The following SPAG9 variants were observed in gnomAD, a reference collection of about 807,000 sequenced individuals.
SPAG9 encodes the protein C-Jun-amino-terminal kinase-interacting protein 4.
Under a neutral mutation model 166.5 loss-of-function variants are expected in SPAG9, and 35 were observed. The observed-to-expected ratio is 0.21, with a 90% CI of 0.16 to 0.28. SPAG9 has a LOEUF of 0.28. Ranked by LOEUF, SPAG9 falls within the 10% of genes least tolerant of loss-of-function variation. The pLI is 1.00. For synonymous variants in SPAG9, 534 were observed against 565.5 expected (o/e 0.94, Z 0.79); for missense variants, 1,235 against 1,603.3 (o/e 0.77, Z 3.92).
Position 50,990,294 on chromosome 17 carries a change from C to T in SPAG9, c.2617+156G>A, listed in dbSNP as rs1383014489. 2.0e-5 allele frequency: 13 copies of T among 643,520 alleles called. No individual in the cohort carries two copies. In the East Asian group the frequency reaches 3.1e-4, roughly 15 times the overall value. The allele number at this position is 643,520 out of a possible 1,614,324, so 39.9% of individuals were successfully genotyped here. A position where few individuals can be genotyped will look rare whatever the true frequency, so the allele number is the denominator to read the frequency against. On this transcript the variant is annotated intron_variant, in intron 20 of 29. Transcript: ENST00000262013. ...CCACCCGCCTTGGCCTCCCAGAGTGCTGGGATTACAGGCGTGAGCCACCAC... is the reference window on the plus strand; with the variant it reads ...CCACCCGCCTTGGCCTCCCAGAGTGTTGGGATTACAGGCGTGAGCCACCAC...
rs148268354 is a variant in SPAG9, at chr17:50,970,867, C to G, written c.3701-11G>C. On this transcript the variant is annotated splice_polypyrimidine_tract_variant and intron_variant, in intron 28 of 29. Transcript: ENST00000262013. Reference sequence around the variant, plus strand: ...GGCTGATGACTTGACCTGTTTTATACAGAAACAAAAGTGAATATTACTTAT... The same window carrying G: ...GGCTGATGACTTGACCTGTTTTATAGAGAAACAAAAGTGAATATTACTTAT... 3.1e-6 allele frequency: 5 copies of G among 1,610,346 alleles called. No homozygotes were observed. Among genetic ancestry groups the G allele is most frequent in the Non-Finnish European group, 4.2e-6 (5 of 1,177,690 alleles).
chr17:51,079,894 A>T (rs989992315), intron 1 of SPAG9, among the ~76,000 whole-genome samples, 190 bp from the exon 2 acceptor site: 2 of 152,218 alleles, frequency 1.3e-5, no homozygotes, highest in African/African-American at 4.8e-5. Flanking sequence ...AGAAGAAAAA[A>T]ATAACAAAAT....
chr17:51,051,719 T>TA (rs1262658868), intron 3 of SPAG9, among the ~76,000 whole-genome samples: 3 of 151,502 alleles, frequency 2.0e-5, no homozygotes, highest in African/African-American at 4.8e-5. Context: ...GACTCCCTCT[T>TA]AAAAAAAAAT....
intron 5 of SPAG9, chr17:51,040,338 G>T (rs1239492649): frequency 6.6e-6 from 1 of 151,968 alleles, no homozygotes; most frequent in Non-Finnish European, 1.5e-5. Flanking sequence ...AACAAATTGG[G>T]GCAAGAAGGG....
chr17:50,994,223 C>T (rs527870305), intron 18 of SPAG9, among the ~76,000 whole-genome samples: 111 of 152,200 alleles, frequency 7.3e-4, no homozygotes, highest in African/African-American at 2.3e-3. Flanking sequence ...ATAAGTCTCA[C>T]GAGATCTGAT....
intron 6 of SPAG9, among the ~76,000 whole-genome samples, chr17:51,025,495 T>TAACA (rs2046129973): frequency 6.6e-6 from 1 of 151,638 alleles, no homozygotes; most frequent in South Asian, 2.1e-4. Flanking sequence ...TGACAGTATT[T>TAACA]AACACCTCTG....
In SPAG9 at chr17:51,022,973, T is replaced by A. The variant is rs918028971; in HGVS notation, c.784-1608A>T. ...ATAATAATAATAATAATAATAATAA[T>A]AAATCAGGGTTAGGGTAAATTAAGT... On this transcript the variant is annotated intron_variant, in intron 6 of 29. Coordinates refer to ENST00000262013, the MANE Select transcript of SPAG9 (RefSeq NM_001130528.3). 1.2e-4 allele frequency among the ~76,000 whole-genome samples: 18 copies of A among 148,434 alleles called. No homozygotes were observed. In the East Asian group the frequency reaches 1.6e-3, roughly 13 times the overall value.
At chr17:51,045,819 C>G (rs1031192415) in intron 4 of SPAG9, among the ~76,000 whole-genome samples, 6 of 152,120 alleles carry the variant, frequency 3.9e-5, no homozygotes, top group African/African-American at 9.7e-5. Context: ...CCCCCACAAG[C>G]AGGCATGGAT....
At chr17:51,053,849 AAAAAAGTATATATATATATAT>A (rs1201998184) in intron 3 of SPAG9, among the ~76,000 whole-genome samples, 5 of 69,718 alleles carry the variant, frequency 7.2e-5, no homozygotes, top group African/African-American at 3.7e-4. Flanking sequence ...AAAAAAAAAA[AAAAAAGTATATATATATATAT>A]ATATATATAT....
At chr17:51,062,134 G>A (rs1037349539) in intron 2 of SPAG9, among the ~76,000 whole-genome samples, 47 of 152,110 alleles carry the variant, frequency 3.1e-4, no homozygotes, top group African/African-American at 1.0e-3. Flanking sequence ...TTTTAGAGCC[G>A]TTTTAGGGTC....
chr17:51,047,643 A>T (rs1447211815), intron 3 of SPAG9, among the ~76,000 whole-genome samples, 174 bp from the exon 4 acceptor site: 3 of 151,592 alleles, frequency 2.0e-5, no homozygotes, highest in Admixed American at 2.0e-4. Context: ...TAATATGCAA[A>T]TGCTTACATT....
intron 3 of SPAG9, among the ~76,000 whole-genome samples, chr17:51,052,893 T>C (rs2144495679): frequency 6.6e-6 from 1 of 151,768 alleles, no homozygotes; most frequent in Non-Finnish European, 1.5e-5. Context: ...ATCCCATCTC[T>C]ATGAAAAATG....
intron 3 of SPAG9, among the ~76,000 whole-genome samples, chr17:51,047,703 A>C (rs1187457645): frequency 8.0e-6 from 1 of 125,700 alleles, no homozygotes; most frequent in African/African-American, 3.2e-5. Flanking sequence ...TTAGGATGGC[A>C]AAAAAAAAAA....
chr17:51,037,683 A>G (rs1434277226), intron 5 of SPAG9, among the ~76,000 whole-genome samples: 27 of 101,886 alleles, frequency 2.7e-4, no homozygotes, highest in Non-Finnish European at 4.9e-4. Flanking sequence ...ATATATATAT[A>G]TAGTGTGTGT....
intron 2 of SPAG9, among the ~76,000 whole-genome samples, chr17:51,076,991 TATCTAGCTATCTAG>T (rs2047991853): frequency 1.1e-5 from 1 of 94,402 alleles, no homozygotes; most frequent in Non-Finnish European, 2.5e-5. Context: ...CTTATCTAGC[TATCTAGCTATCTAG>T]CTAGCTAGCT....
intron 1 of SPAG9, among the ~76,000 whole-genome samples, chr17:51,091,143 T>C (rs1310086640): frequency 1.3e-5 from 2 of 151,388 alleles, no homozygotes; most frequent in Non-Finnish European, 2.9e-5. Flanking sequence ...TGTAGTGGTG[T>C]GCATCTGTAG....
chr17:51,077,860 A>C (rs1295348909), intron 2 of SPAG9, among the ~76,000 whole-genome samples: 1 of 151,994 alleles, frequency 6.6e-6, no homozygotes, highest in Non-Finnish European at 1.5e-5. Flanking sequence ...CATGTTGCCC[A>C]GGCTGGTCTC....
At chr17:51,097,586 T>C (rs113517747) in intron 1 of SPAG9, among the ~76,000 whole-genome samples, 1 of 152,018 alleles carries the variant, frequency 6.6e-6, no homozygotes. Context: ...TACATATATA[T>C]ACATGGCAGG....
chr17:51,107,896 T>C (rs781321134), intron 1 of SPAG9, among the ~76,000 whole-genome samples: 3 of 145,902 alleles, frequency 2.1e-5, no homozygotes, highest in Non-Finnish European at 3.0e-5. Context: ...GCCTGGGCAA[T>C]AGCATGAGAC....
Sources: allele counts gnomAD v4.1 joint callset (sites outside exome capture counted in the v4.1 genomes callset), GRCh38; gene constraint gnomAD v4.1.1; transcripts MANE v1.5; gene names NCBI Gene and HGNC (gene_info 2026-07-23, HGNC 2026-07-21).